Variants in DNM3 observed in about 807,000 individuals in gnomAD.
DNM3 encodes the protein dynamin-3.
In DNM3, 47 loss-of-function variants were observed where a neutral mutation model predicts 101.6. That is an observed-to-expected ratio of 0.46 (90% CI 0.37 to 0.59). The LOEUF (loss-of-function observed/expected upper bound fraction) is 0.59. Among genes scored for constraint, DNM3 ranks in the 20% least tolerant of loss-of-function variants. DNM3 has a pLI of 0.00. For missense variants in DNM3, 849 were observed against 1,085.7 expected (o/e 0.78, Z 3.06); for synonymous variants, 385 against 387.9 (o/e 0.99, Z 0.09).
chr1:172,409,158 C>G lies in DNM3; in HGVS notation c.*1317C>G. 1.0e-6 allele frequency: 1 copy of G among 985,356 alleles called. No individual in the cohort carries two copies. The highest frequency in any genetic ancestry group is 1.2e-6 in the Non-Finnish European group (1 of 829,906). The allele number at this position is 985,356 out of a possible 1,614,324, so 61.0% of individuals were successfully genotyped here. Reference sequence around the variant, plus strand: ...TCACATGTAGGAAACAGCCAGAAGCCAACTGGAATTTTGTGTGCTAACTGT... The same window carrying G: ...TCACATGTAGGAAACAGCCAGAAGCGAACTGGAATTTTGTGTGCTAACTGT... On this transcript the variant is annotated 3_prime_UTR_variant, in exon 21 of 21. Coordinates refer to ENST00000627582, the MANE Select transcript of DNM3 (RefSeq NM_015569.5).
intron 4 of DNM3, among the ~76,000 whole-genome samples, chr1:172,029,090 G>T (rs896643028): frequency 5.3e-5 from 8 of 152,094 alleles, no homozygotes; most frequent in African/African-American, 1.9e-4. Context: ...ACCAAAACCT[G>T]GTGGAGACAC....
At chr1:172,119,843 T>C (rs537882423) in intron 13 of DNM3, among the ~76,000 whole-genome samples, 132 of 152,334 alleles carry the variant, frequency 8.7e-4, no homozygotes, top group African/African-American at 2.5e-3. Context: ...GGAGTCATCT[T>C]CGACACCCCT....
chr1:172,261,301 A>G (rs775002614), intron 15 of DNM3, among the ~76,000 whole-genome samples: 32 of 152,118 alleles, frequency 2.1e-4, no homozygotes, highest in Non-Finnish European at 3.5e-4. Context: ...ACATGTATCT[A>G]TGGTATTGGT....
At chr1:172,348,871 G>C (rs1401288723) in intron 17 of DNM3, among the ~76,000 whole-genome samples, 1 of 152,174 alleles carries the variant, frequency 6.6e-6, no homozygotes, top group Non-Finnish European at 1.5e-5. Context: ...GAGATTACAT[G>C]ATTTACCCAA....
At chr1:171,878,155 T>C (rs12025368) in intron 1 of DNM3, among the ~76,000 whole-genome samples, 25,583 of 152,076 alleles carry the variant, frequency 0.17, 2,472 homozygotes, top group East Asian at 0.48. Flanking sequence ...GTATTAAAGA[T>C]AAGACTTCCA....
intron 4 of DNM3, 143 bp from the exon 5 acceptor site, chr1:172,032,259 T>A (rs942015232): frequency 6.2e-6 from 4 of 643,588 alleles, no homozygotes; most frequent in Non-Finnish European, 1.1e-5. Context: ...CAAACTCAAG[T>A]AGCACTTAGA....
rs181252415 is a variant in DNM3, at chr1:172,075,567, G to A, written c.1423-6265G>A. On this transcript the variant is annotated intron_variant, in intron 11 of 20. Transcript: ENST00000627582. ...TTTCCCAACACCATTTATTAAATAG[G>A]GAATCCTTTCCCCATTGCTTTTTTT... Among the ~76,000 whole-genome samples the A allele has an allele frequency of 3.8e-3, 573 of 152,222 alleles. 3 individuals are homozygous for A. Among genetic ancestry groups the A allele is most frequent in the Middle Eastern group, 0.017 (5 of 294 alleles).
chr1:172,194,363 G>C (rs993684708), intron 14 of DNM3, among the ~76,000 whole-genome samples: 8 of 152,176 alleles, frequency 5.3e-5, no homozygotes, highest in African/African-American at 1.9e-4. Flanking sequence ...GAGTCCTGTA[G>C]ATGTCTATTA....
intron 17 of DNM3, among the ~76,000 whole-genome samples, chr1:172,375,494 G>A (rs1395560871): frequency 6.6e-6 from 1 of 151,950 alleles, no homozygotes; most frequent in Non-Finnish European, 1.5e-5. Flanking sequence ...TCACAGGTAC[G>A]TTACCATGGT....
intron 2 of DNM3, among the ~76,000 whole-genome samples, chr1:171,985,023 C>T (rs561614589): frequency 4.6e-5 from 7 of 152,192 alleles, no homozygotes; most frequent in Admixed American, 2.0e-4. Context: ...TACACCCTTC[C>T]GGAAGGGCAT....
intron 17 of DNM3, among the ~76,000 whole-genome samples, chr1:172,332,399 T>G (rs1432183886): frequency 6.6e-6 from 1 of 152,166 alleles, no homozygotes; most frequent in Non-Finnish European, 1.5e-5. Context: ...AACCTCTGCC[T>G]TCTGAGGTAA....
chr1:172,032,498 G>A lies in DNM3; in HGVS notation c.686G>A (p.Arg229Lys). The A allele has an allele frequency of 2.6e-6, 4 of 1,559,832 alleles. No individual in the cohort carries two copies. The highest frequency in any genetic ancestry group is 3.5e-6 in the Non-Finnish European group (4 of 1,134,632). ...VLENKLLPLRRGYVGVVNRSQ... is the reference protein window; with the variant it reads ...VLENKLLPLRKGYVGVVNRSQ... ...GAGAACAAACTGTTGCCTCTTCGCAGGGGTAATGTACTGTGGTCTATACAA... is the reference window on the plus strand; with the variant it reads ...GAGAACAAACTGTTGCCTCTTCGCAAGGGTAATGTACTGTGGTCTATACAA... The change falls in exon 5 of 21, where the codon AGG becomes AAG. Residue 229 changes from arginine to lysine, a missense_variant and splice_region_variant. By Grantham distance (26) the Arg-to-Lys change is conservative (BLOSUM62 2). Coordinates refer to ENST00000627582, the MANE Select transcript of DNM3 (RefSeq NM_015569.5).
chr1:172,007,357 G>A (rs2046765547), intron 4 of DNM3, among the ~76,000 whole-genome samples: 1 of 152,078 alleles, frequency 6.6e-6, no homozygotes, highest in South Asian at 2.1e-4. Context: ...AGGCAGCATT[G>A]ATGTGCATGT....
intron 14 of DNM3, among the ~76,000 whole-genome samples, chr1:172,239,798 CTCTTTTTT>C (rs373028707): frequency 0.2 from 21,403 of 106,836 alleles, 2,547 homozygotes; most frequent in East Asian, 0.28. Flanking sequence ...CTTTTTTTTT[CTCTTTTTT>C]TTTTTTTTTT....
intron 1 of DNM3, among the ~76,000 whole-genome samples, chr1:171,897,936 T>G (rs2037958387): frequency 6.6e-6 from 1 of 151,972 alleles, no homozygotes; most frequent in Non-Finnish European, 1.5e-5. Context: ...TTTTTTTGAC[T>G]AATACTTGTA....
chr1:171,906,717 GT>G (rs146723644), intron 1 of DNM3, among the ~76,000 whole-genome samples: 2 of 151,688 alleles, frequency 1.3e-5, no homozygotes, highest in Admixed American at 6.6e-5. Context: ...AGGATTTCCT[GT>G]TTTTTTTGTA....
chr1:172,397,298 C>A (rs1386545359), intron 20 of DNM3: 1 of 152,578 alleles, frequency 6.6e-6, no homozygotes, highest in Non-Finnish European at 1.5e-5. Context: ...ATTAAGGAAA[C>A]ATTAGTAAAT....
At chr1:172,298,506 C>T (rs1381021081) in intron 15 of DNM3, among the ~76,000 whole-genome samples, 1 of 152,178 alleles carries the variant, frequency 6.6e-6, no homozygotes, top group Non-Finnish European at 1.5e-5. Context: ...TCATCAAAGA[C>T]AGCTCGACCA....
At chr1:172,000,022 TG>T (rs1430169586) in intron 4 of DNM3, among the ~76,000 whole-genome samples, 1 of 152,082 alleles carries the variant, frequency 6.6e-6, no homozygotes, top group Non-Finnish European at 1.5e-5. Context: ...TGTGGTAATT[TG>T]TTATGACAGC....
Sources: gnomAD v4.1 joint callset for allele counts (sites outside exome capture counted in the v4.1 genomes callset) on GRCh38, gnomAD v4.1.1 for gene constraint, MANE v1.5 for transcripts, NCBI Gene and HGNC (gene_info 2026-07-23, HGNC 2026-07-21) for gene names.